Variants in ANO10 observed in about 807,000 individuals in gnomAD.
The protein encoded by ANO10 is anoctamin-10.
Under a neutral mutation model 74.7 loss-of-function variants are expected in ANO10, and 77 were observed. The ratio of observed to expected loss-of-function variants is 1.03; its 90% CI spans 0.86 to 1.25. The LOEUF (loss-of-function observed/expected upper bound fraction) is 1.25, where lower values mean the gene tolerates loss of function less well. Among genes scored for constraint, ANO10 ranks in the 50% most tolerant of loss-of-function variants. The pLI is 0.00. For missense variants in ANO10, 721 were observed against 778.1 expected (o/e 0.93, Z 0.87); for synonymous variants, 279 against 284.9 (o/e 0.98, Z 0.21).
chr3:43,577,395 A>G (rs1372909524), intron 5 of ANO10, 134 bp from the exon 6 acceptor site: 3 of 878,368 alleles, frequency 3.4e-6, no homozygotes. Flanking sequence ...GTGTGGTGGT[A>G]AATCTACCCT....
At chr3:43,514,480 A>G (rs1012103238) in intron 11 of ANO10, among the ~76,000 whole-genome samples, 10 of 152,220 alleles carry the variant, frequency 6.6e-5, no homozygotes, top group African/African-American at 2.4e-4. Flanking sequence ...AAAAAGAAGC[A>G]AAAAGTGATA....
In ANO10 at chr3:43,449,076, C is replaced by T. The variant is rs369144767; in HGVS notation, c.1798-16349G>A. On this transcript the variant is annotated intron_variant, in intron 11 of 12. Transcript: ENST00000292246. ...ATTTTTAATAGAGACTGGGTTTCAC[C>T]GTGTTAGCCAGGATGGTCTCTATCT... 5.3e-4 allele frequency among the ~76,000 whole-genome samples: 80 copies of T among 152,026 alleles called. No homozygotes were observed. The Middle Eastern group carries it at 0.017, about 32-fold the overall frequency.
chr3:43,449,516 T>C (rs2074752197), intron 11 of ANO10, among the ~76,000 whole-genome samples: 1 of 3,806 alleles, frequency 2.6e-4, no homozygotes, highest in Admixed American at 2.3e-3. Flanking sequence ...ATCTAGATTC[T>C]TTTTTTTTTT....
At chr3:43,446,745 A>G (rs2093252223) in intron 11 of ANO10, among the ~76,000 whole-genome samples, 1 of 152,234 alleles carries the variant, frequency 6.6e-6, no homozygotes, top group South Asian at 2.1e-4. Context: ...ATGAATATTC[A>G]TAGGTAGATA....
chr3:43,392,159 C>T (rs984741529), intron 12 of ANO10, among the ~76,000 whole-genome samples: 1 of 147,834 alleles, frequency 6.8e-6, no homozygotes, highest in African/African-American at 2.5e-5. Context: ...ATCTTTCTCA[C>T]TGACTTTAAA....
intron 1 of ANO10, among the ~76,000 whole-genome samples, chr3:43,659,231 G>A (rs527836480): frequency 2.0e-5 from 3 of 152,294 alleles, no homozygotes; most frequent in East Asian, 3.9e-4. Context: ...CCCATGGAGG[G>A]TGAGCCAAAG....
chr3:43,659,736 A>C (rs746046402), intron 1 of ANO10, among the ~76,000 whole-genome samples: 1 of 152,148 alleles, frequency 6.6e-6, no homozygotes, highest in Non-Finnish European at 1.5e-5. Flanking sequence ...TTCTCCCATC[A>C]TGGTGTTCGA....
intron 11 of ANO10, among the ~76,000 whole-genome samples, chr3:43,456,769 T>C (rs2075148630): frequency 6.6e-6 from 1 of 152,216 alleles, no homozygotes; most frequent in Admixed American, 6.5e-5. Flanking sequence ...ATTACAAAGG[T>C]GTCTGCGACA....
chr3:43,637,892 A>G (rs1219007084), intron 1 of ANO10: 1 of 152,256 alleles, frequency 6.6e-6, no homozygotes, highest in Admixed American at 6.5e-5. Flanking sequence ...TGTTCTGAAT[A>G]CAGTATAAGA....
At chr3:43,481,933 T>C (rs972233291) in intron 11 of ANO10, among the ~76,000 whole-genome samples, 9 of 147,772 alleles carry the variant, frequency 6.1e-5, no homozygotes, top group East Asian at 2.0e-4. Flanking sequence ...TTTTCTTTTT[T>C]TTTTTTTTTT....
intron 5 of ANO10, 96 bp downstream of exon 5, chr3:43,580,257 C>A (rs927107639): frequency 6.5e-7 from 1 of 1,541,480 alleles, no homozygotes; most frequent in Non-Finnish European, 8.9e-7. Context: ...CAGTAGAGCA[C>A]TAAATATCTG....
chr3:43,564,398 T>C (rs568543532), intron 8 of ANO10, among the ~76,000 whole-genome samples: 1 of 151,582 alleles, frequency 6.6e-6, no homozygotes, highest in African/African-American at 2.4e-5. Flanking sequence ...TACAACTATG[T>C]ATGTATTATT....
At chr3:43,468,962 G>A (rs1459647240) in intron 11 of ANO10, among the ~76,000 whole-genome samples, 5 of 151,036 alleles carry the variant, frequency 3.3e-5, no homozygotes, top group Non-Finnish European at 5.9e-5. Flanking sequence ...CACCCACCTC[G>A]GCCTCCCAAA....
intron 12 of ANO10, chr3:43,424,596 G>A (rs1461830507): frequency 6.6e-6 from 1 of 152,164 alleles, no homozygotes; most frequent in African/African-American, 2.4e-5. Context: ...CCCAGGAACT[G>A]ACTCAGCTGA....
intron 10 of ANO10, 137 bp downstream of exon 10, chr3:43,555,141 C>T (rs2149326532): frequency 2.3e-6 from 2 of 860,356 alleles, no homozygotes; most frequent in Admixed American, 2.2e-5. Context: ...CAAGGCCACA[C>T]AGCTAGTTTG....
chr3:43,597,801 C>G (rs992009428), intron 4 of ANO10, among the ~76,000 whole-genome samples: 3 of 151,756 alleles, frequency 2.0e-5, no homozygotes, highest in African/African-American at 7.3e-5. Flanking sequence ...AACATGTGGT[C>G]CCAGCTACTG....
chr3:43,676,267 T>C (rs977389742), intron 1 of ANO10, among the ~76,000 whole-genome samples: 1 of 151,454 alleles, frequency 6.6e-6, no homozygotes, highest in Non-Finnish European at 1.5e-5. Context: ...GACACCAGCC[T>C]GGACAACAAA....
intron 11 of ANO10, among the ~76,000 whole-genome samples, chr3:43,489,129 C>A (rs1248900436): frequency 7.4e-6 from 1 of 135,026 alleles, no homozygotes; most frequent in Non-Finnish European, 1.5e-5. Flanking sequence ...ATGAGATCAC[C>A]TGGACACAGG....
chr3:43,549,930 C>A, intron 10 of ANO10, 82 bp from the exon 11 acceptor site: 1 of 1,513,438 alleles, frequency 6.6e-7, no homozygotes, highest in South Asian at 1.2e-5. Context: ...ATCTAAAAAT[C>A]AAGGAAAATG....
Sources: allele counts gnomAD v4.1 joint callset (sites outside exome capture counted in the v4.1 genomes callset), GRCh38; gene constraint gnomAD v4.1.1; transcripts MANE v1.5; gene names NCBI Gene and HGNC (gene_info 2026-07-23, HGNC 2026-07-21).